The following CD5 variants were observed in gnomAD, a reference collection of about 807,000 sequenced individuals.
CD5 encodes T-cell surface glycoprotein CD5.
A neutral mutation model predicts 60.3 loss-of-function variants in CD5; 36 were observed. The ratio of observed to expected loss-of-function variants is 0.60; its 90% confidence interval spans 0.46 to 0.79. The LOEUF is 0.79. Among genes scored for constraint, CD5 ranks in the 30% least tolerant of loss-of-function variants. The probability of loss-of-function intolerance (pLI) is 0.00; values close to 1 mark genes in which losing one functional copy is unlikely to be tolerated. For synonymous variants in CD5, 230 were observed against 257.6 expected (o/e 0.89, Z 1.03); for missense variants, 540 against 630.6 (o/e 0.86, Z 1.54).
intron 6 of CD5, among the ~76,000 whole-genome samples, chr11:61,122,600 G>A (rs1861084325): frequency 6.6e-6 from 1 of 152,178 alleles, no homozygotes; most frequent in South Asian, 2.1e-4. Context: ...GTTTCTGATG[G>A]TATATGATGG....
At chr11:61,115,141 G>T in intron 2 of CD5, 47 bp downstream of exon 2, 1 of 1,523,884 alleles carries the variant, frequency 6.6e-7, no homozygotes, top group East Asian at 2.5e-5. Flanking sequence ...GGGGAGAGTG[G>T]GGCTGTGGTT....
intron 5 of CD5, among the ~76,000 whole-genome samples, chr11:61,119,873 T>C (rs975257656): frequency 2.0e-5 from 3 of 152,086 alleles, no homozygotes; most frequent in African/African-American, 7.2e-5. Context: ...AGGCAAGGTC[T>C]CTTCGTGGGT....
upstream of CD5, chr11:61,102,465 C>A: frequency 1.2e-6 from 1 of 833,802 alleles, no homozygotes; most frequent in South Asian, 1.6e-5. Flanking sequence ...AGCACGCCAC[C>A]CCGCCCTCTC....
intron 2 of CD5, among the ~76,000 whole-genome samples, chr11:61,116,015 G>A (rs948159952): frequency 5.3e-5 from 8 of 152,136 alleles, no homozygotes; most frequent in African/African-American, 2.4e-5. Context: ...GTGTTGAGAC[G>A]CGCTCGTTCT....
chr11:61,122,312 GTGGA>G (rs759628102), intron 6 of CD5, among the ~76,000 whole-genome samples: 1,133 of 50,454 alleles, frequency 0.022, 10 homozygotes, highest in African/African-American at 0.056. Context: ...GGGTGGGTGG[GTGGA>G]TGGATGGATG....
chr11:61,102,749 A>C, intron 1 of CD5, 134 bp downstream of exon 1: 3 of 785,484 alleles, frequency 3.8e-6, no homozygotes, highest in Non-Finnish European at 6.2e-6. Flanking sequence ...ATTTGGGGCC[A>C]CTGGGATCCC....
At chr11:61,101,314 TAC>T (rs1860680150), upstream of CD5, among the ~76,000 whole-genome samples, 1 of 57,814 alleles carries the variant, frequency 1.7e-5, no homozygotes, top group African/African-American at 6.2e-5. Flanking sequence ...ACATGGAGAT[TAC>T]ACACACATCA....
chr11:61,101,245 C>T (rs1163228899), upstream of CD5, among the ~76,000 whole-genome samples: 1 of 111,696 alleles, frequency 9.0e-6, no homozygotes, highest in Admixed American at 1.0e-4. Context: ...ATCACATTCA[C>T]ACACATCAAC....
chr11:61,108,196 CAA>C (rs1860802730), intron 1 of CD5, among the ~76,000 whole-genome samples: 1 of 152,158 alleles, frequency 6.6e-6, no homozygotes, highest in Non-Finnish European at 1.5e-5. Context: ...TAAACAAAAC[CAA>C]AGCCTTGTCT....
the CD5 span, among the ~76,000 whole-genome samples, chr11:61,095,115 A>C: frequency 6.6e-6 from 1 of 152,192 alleles, no homozygotes; most frequent in African/African-American, 2.4e-5. Flanking sequence ...CAGAAGAGTC[A>C]CAGCAGGAAT....
upstream of CD5, among the ~76,000 whole-genome samples, chr11:61,097,827 G>A (rs994346549): frequency 2.6e-5 from 4 of 152,170 alleles, no homozygotes; most frequent in South Asian, 2.1e-4. Flanking sequence ...CCCCATTTAC[G>A]TGCTCAACCG....
At position 61,126,527 on chromosome 11, in the gene CD5, G is replaced by C. The variant is rs1346436701; in HGVS notation, c.*242G>C. The C allele has an allele frequency of 6.6e-6, 1 of 152,226 alleles. No individual in the cohort carries two copies. Among genetic ancestry groups the C allele is most frequent in the Non-Finnish European group, 1.5e-5 (1 of 68,042 alleles). 9.4% of individuals were successfully genotyped at this position (152,226 alleles called of 1,614,324 possible). On this transcript the variant is annotated 3_prime_UTR_variant, in exon 11 of 11. Transcript: ENST00000347785. ...GGTGGGCAGAGCCCCAAAACAAGCA[G>C]CCTTCCAACTAGAGACTCGGGGGTG...
chr11:61,115,014 T>C, intron 1 of CD5, 42 bp from the exon 2 acceptor site: 1 of 1,539,716 alleles, frequency 6.5e-7, no homozygotes, highest in African/African-American at 1.4e-5. Context: ...AGGGAGAGAG[T>C]GGGAGGTTTC....
chr11:61,112,212 G>T (rs1860866106), intron 1 of CD5, among the ~76,000 whole-genome samples: 1 of 152,222 alleles, frequency 6.6e-6, no homozygotes, highest in African/African-American at 2.4e-5. Flanking sequence ...CTGATGGGCA[G>T]CTGGGATGAG....
intron 6 of CD5, 58 bp downstream of exon 6, chr11:61,121,962 C>T (rs1861066498): frequency 3.0e-5 from 43 of 1,430,586 alleles, no homozygotes; most frequent in African/African-American, 7.2e-5. Context: ...CTCTAGGACC[C>T]GGTCAGGGTG....
chr11:61,122,678 T>C (rs989332828), intron 6 of CD5, among the ~76,000 whole-genome samples: 3 of 151,616 alleles, frequency 2.0e-5, no homozygotes, highest in African/African-American at 7.3e-5. Context: ...TGGCAAATGA[T>C]AGCTAGATGA....
At chr11:61,120,400 T>C (rs1295465197) in intron 5 of CD5, among the ~76,000 whole-genome samples, 1 of 152,108 alleles carries the variant, frequency 6.6e-6, no homozygotes, top group Non-Finnish European at 1.5e-5. Flanking sequence ...CACATGGCCT[T>C]AGGAGGTGGG....
intron 7 of CD5, among the ~76,000 whole-genome samples, chr11:61,123,663 G>A (rs1019226451): frequency 9.9e-5 from 15 of 152,052 alleles, no homozygotes; most frequent in African/African-American, 1.4e-4. Flanking sequence ...CACCATCCTC[G>A]GCCTGCTCCT....
rs569839319 is a variant in CD5 at position 61,127,199 on chromosome 11, T to C, written c.*914T>C. The C allele has an allele frequency of 6.6e-6, 1 of 152,312 alleles. No individual in the cohort carries two copies. The highest frequency in any genetic ancestry group is 2.1e-4 in the South Asian group (1 of 4,824). The allele number at this position is 152,312 out of a possible 1,614,324, so 9.4% of individuals were successfully genotyped here. ...AACTCCCTTGACGAAAACAGACTCC[T>C]CTAGTACTTGGAGATCTTGGACGTA... On this transcript the variant is annotated 3_prime_UTR_variant, in exon 11 of 11. Coordinates refer to ENST00000347785, the MANE Select transcript of CD5 (RefSeq NM_014207.4).
Sources: gnomAD v4.1 joint callset for allele counts (sites outside exome capture counted in the v4.1 genomes callset) on GRCh38, gnomAD v4.1.1 for gene constraint, MANE v1.5 for transcripts, NCBI Gene and HGNC (gene_info 2026-07-23, HGNC 2026-07-21) for gene names.